GRM8: variants seen among roughly 807,000 people sequenced by gnomAD.
The protein encoded by GRM8 is glutamate metabotropic receptor 8.
In GRM8, 47 loss-of-function variants were observed where a neutral mutation model predicts 87.2. That is an observed-to-expected ratio of 0.54 (90% CI 0.43 to 0.69). GRM8 has a LOEUF of 0.69. Ranked by LOEUF, GRM8 falls within the 30% of genes least tolerant of loss-of-function variation. The pLI is 0.00. For synonymous variants in GRM8, 396 were observed against 404.5 expected (o/e 0.98, Z 0.25); for missense variants, 1,019 against 1,139.2 (o/e 0.89, Z 1.52).
chr7:127,175,514 C>A (rs1344663204), intron 2 of GRM8, among the ~76,000 whole-genome samples: 1 of 152,096 alleles, frequency 6.6e-6, no homozygotes, highest in East Asian at 1.9e-4. Context: ...GCAGGATAAA[C>A]ACTTAAACTA....
chr7:127,222,309 G>A (rs1796987591), intron 2 of GRM8, among the ~76,000 whole-genome samples: 1 of 152,200 alleles, frequency 6.6e-6, no homozygotes, highest in Non-Finnish European at 1.5e-5. Flanking sequence ...TCAGGAGGCT[G>A]AGGCATGAGA....
chr7:126,519,042 T>C (rs567423919), intron 9 of GRM8, among the ~76,000 whole-genome samples: 1 of 152,122 alleles, frequency 6.6e-6, no homozygotes, highest in East Asian at 1.9e-4. Context: ...AAAATGTTTA[T>C]CCCTTTTTCT....
chr7:127,234,901 C>A (rs944315378), intron 2 of GRM8, among the ~76,000 whole-genome samples: 2 of 152,206 alleles, frequency 1.3e-5, no homozygotes, highest in African/African-American at 4.8e-5. Flanking sequence ...AAAACCGCTG[C>A]AGTCTTCAAT....
intron 3 of GRM8, among the ~76,000 whole-genome samples, chr7:127,029,934 TACA>T (rs1430666348): frequency 6.6e-6 from 1 of 152,106 alleles, no homozygotes; most frequent in Non-Finnish European, 1.5e-5. Context: ...AACCTCACCA[TACA>T]ACAAACACAC....
intron 9 of GRM8, among the ~76,000 whole-genome samples, chr7:126,500,082 A>G (rs1207151793): frequency 6.6e-6 from 1 of 151,942 alleles, no homozygotes; most frequent in Non-Finnish European, 1.5e-5. Context: ...GAAGACATTT[A>G]AAGTCCACTC....
intron 6 of GRM8, among the ~76,000 whole-genome samples, chr7:126,860,331 AT>A (rs1287875253): frequency 6.6e-6 from 1 of 152,046 alleles, no homozygotes; most frequent in Non-Finnish European, 1.5e-5. Flanking sequence ...CTTCCTTCCT[AT>A]TCCTTAATCT....
chr7:126,899,307 C>A (rs1397728863), intron 6 of GRM8, among the ~76,000 whole-genome samples: 2 of 152,144 alleles, frequency 1.3e-5, no homozygotes, highest in Non-Finnish European at 2.9e-5. Context: ...CTTCCAAACC[C>A]ATCTATAAAC....
chr7:126,668,674 G>C (rs1563075804), intron 7 of GRM8, among the ~76,000 whole-genome samples: 1 of 152,186 alleles, frequency 6.6e-6, no homozygotes, highest in Non-Finnish European at 1.5e-5. Context: ...TTCTCTTGGT[G>C]GAGGGACCAC....
chr7:126,440,210 G>T (rs545398736), intron 10 of GRM8, among the ~76,000 whole-genome samples: 10 of 151,718 alleles, frequency 6.6e-5, no homozygotes, highest in Non-Finnish European at 1.5e-4. Flanking sequence ...TCAGGAGTTT[G>T]AGACAAGCTT....
intron 7 of GRM8, among the ~76,000 whole-genome samples, chr7:126,741,196 G>A: frequency 6.6e-6 from 1 of 151,950 alleles, no homozygotes. Context: ...GCAGTACTCG[G>A]GATCCACTGA....
intron 1 of GRM8, among the ~76,000 whole-genome samples, chr7:127,249,293 A>G (rs998425047): frequency 6.6e-6 from 1 of 152,104 alleles, no homozygotes; most frequent in African/African-American, 2.4e-5. Flanking sequence ...TTGTTCTTTC[A>G]TTACCTTGGC....
intron 7 of GRM8, among the ~76,000 whole-genome samples, chr7:126,761,184 C>T (rs1299362711): frequency 2.0e-5 from 3 of 149,962 alleles, no homozygotes; most frequent in East Asian, 3.9e-4. Context: ...GGTGACAAAG[C>T]GAGACTCTAT....
At chr7:127,015,072 A>AAAGAAGGAG (rs139270766) in intron 3 of GRM8, among the ~76,000 whole-genome samples, 1,329 of 103,690 alleles carry the variant, frequency 0.013, 80 homozygotes, top group Middle Eastern at 0.027. Context: ...AAGAAGAAAG[A>AAAGAAGGAG]AAGAAGGAGA....
intron 9 of GRM8, among the ~76,000 whole-genome samples, chr7:126,449,890 G>T (rs1037426585): frequency 1.3e-5 from 2 of 151,852 alleles, no homozygotes; most frequent in South Asian, 2.1e-4. Flanking sequence ...CCCAGAGGAT[G>T]GGGACTATCT....
chr7:127,154,947 T>C (rs1792630542), intron 2 of GRM8, among the ~76,000 whole-genome samples: 2 of 152,120 alleles, frequency 1.3e-5, no homozygotes, highest in Non-Finnish European at 2.9e-5. Context: ...AATAAGACTG[T>C]TCATTCTCCA....
intron 8 of GRM8, among the ~76,000 whole-genome samples, chr7:126,574,824 T>C (rs577010089): frequency 6.6e-6 from 1 of 152,264 alleles, no homozygotes; most frequent in Admixed American, 6.5e-5. Context: ...AGACTACATC[T>C]ACTATCTGAT....
intron 3 of GRM8, among the ~76,000 whole-genome samples, chr7:127,077,553 C>G (rs993343179): frequency 1.1e-4 from 16 of 152,172 alleles, no homozygotes; most frequent in African/African-American, 3.9e-4. Flanking sequence ...CAAACCCCTT[C>G]CAAAGACTCC....
intron 6 of GRM8, among the ~76,000 whole-genome samples, chr7:126,822,535 T>A (rs1794387602): frequency 6.6e-6 from 1 of 151,258 alleles, no homozygotes; most frequent in South Asian, 2.1e-4. Context: ...TCCTTGTCTC[T>A]CTCTTTCTTT....
intron 9 of GRM8, among the ~76,000 whole-genome samples, chr7:126,448,786 T>C (rs1266679670): frequency 6.6e-6 from 1 of 151,844 alleles, no homozygotes; most frequent in Non-Finnish European, 1.5e-5. Context: ...AACAGAAGAA[T>C]AGAAAACCAA....
Sources: allele counts gnomAD v4.1 joint callset (sites outside exome capture counted in the v4.1 genomes callset), GRCh38; gene constraint gnomAD v4.1.1; transcripts MANE v1.5; gene names NCBI Gene and HGNC (gene_info 2026-07-23, HGNC 2026-07-21).